Variants in CLEC18A observed in about 807,000 individuals in gnomAD.
The protein encoded by CLEC18A is C-type lectin domain family 18 member A, also known as mannose receptor-like 1.
Under a neutral mutation model 24.0 loss-of-function variants are expected in CLEC18A, and 5 were observed. The observed-to-expected ratio is 0.21, with a 90% CI of 0.11 to 0.44. CLEC18A has a LOEUF of 0.44. CLEC18A is among the 20% of genes least tolerant of loss of function. CLEC18A has a pLI of 0.99. For synonymous variants in CLEC18A, 29 were observed against 100.1 expected (o/e 0.29, Z 4.24); for missense variants, 83 against 233.4 (o/e 0.36, Z 4.20).
chr16:69,948,470 TCGAAC>T (rs2058915138), upstream of CLEC18A, among the ~76,000 whole-genome samples: 1 of 151,568 alleles, frequency 6.6e-6, no homozygotes, highest in African/African-American at 2.4e-5. Context: ...ATAAAATGAC[TCGAAC>T]GCTATAACCT....
At chr16:69,965,009 T>C (rs1959325817), downstream of CLEC18A, among the ~76,000 whole-genome samples, 1 of 151,694 alleles carries the variant, frequency 6.6e-6, no homozygotes, top group African/African-American at 2.4e-5. Flanking sequence ...ACCATGTTGC[T>C]CAGGCTGGTC....
downstream of CLEC18A, among the ~76,000 whole-genome samples, chr16:69,964,795 G>A (rs634671): frequency 6.6e-6 from 1 of 151,286 alleles, no homozygotes; most frequent in African/African-American, 2.4e-5. Flanking sequence ...GAGCCACCGC[G>A]CCCGGCCCTA....
intron 11 of CLEC18A, 89 bp from the exon 12 acceptor site, chr16:69,963,485 T>C (rs2059085746): frequency 6.3e-7 from 1 of 1,598,020 alleles, no homozygotes; most frequent in African/African-American, 1.3e-5. Context: ...ACCACGGCCA[T>C]GGGCACTTCC....
chr16:69,966,327 TA>T (rs372690852), downstream of CLEC18A, among the ~76,000 whole-genome samples: 130 of 141,734 alleles, frequency 9.2e-4, 3 homozygotes, highest in East Asian at 0.022. Context: ...AGGCGCTGGG[TA>T]AAATGAGGCT....
Position 69,954,388 on chromosome 16 carries a change from A to T in CLEC18A, c.271A>T (p.Thr91Ser). ...TCAAGCCAGGGCAGCCCTCTGTGGAACCCCAACCCCGAGCCTGGCGTCCGG... is the reference window on the plus strand; with the variant it reads ...TCAAGCCAGGGCAGCCCTCTGTGGATCCCCAACCCCGAGCCTGGCGTCCGG... ...LAQARAALCG[T>S]PTPSLASGLW... The change falls in exon 3 of 12, where the codon ACC becomes TCC. Residue 91 changes from threonine to serine, a missense_variant. By Grantham distance (58) the Thr-to-Ser change is moderately conservative. Transcript: ENST00000288040. 2.5e-6 allele frequency: 4 copies of T among 1,609,492 alleles called. 1 individual carries two copies. Among genetic ancestry groups the T allele is most frequent in the Non-Finnish European group, 3.4e-6 (4 of 1,178,452 alleles).
At chr16:69,965,148 G>A (rs1332958865), downstream of CLEC18A, among the ~76,000 whole-genome samples, 91 of 151,820 alleles carry the variant, frequency 6.0e-4, 2 homozygotes, top group Non-Finnish European at 8.1e-4. Flanking sequence ...CTGTCTAACC[G>A]GGCGCGGGCA....
downstream of CLEC18A, among the ~76,000 whole-genome samples, chr16:69,966,465 G>A (rs1959395585): frequency 7.1e-6 from 1 of 140,138 alleles, no homozygotes; most frequent in Non-Finnish European, 1.6e-5. Flanking sequence ...TGATGCGAAT[G>A]ACCTCTGGTC....
chr16:69,964,833 G>C (rs1170950034), downstream of CLEC18A, among the ~76,000 whole-genome samples: 8 of 151,972 alleles, frequency 5.3e-5, no homozygotes, highest in Admixed American at 4.6e-4. Flanking sequence ...ACAGAGTCTC[G>C]CTTTGTCGTA....
At chr16:69,965,090 C>T (rs1249508460), downstream of CLEC18A, among the ~76,000 whole-genome samples, 3 of 151,602 alleles carry the variant, frequency 2.0e-5, no homozygotes, top group Admixed American at 6.5e-5. Flanking sequence ...GCATGAGGCC[C>T]GGCGCCGGCC....
chr16:69,955,375 A>C (rs1474495063), intron 3 of CLEC18A, among the ~76,000 whole-genome samples: 1 of 149,006 alleles, frequency 6.7e-6, no homozygotes, highest in Non-Finnish European at 1.5e-5. Flanking sequence ...ATTTGAGACA[A>C]AGTCTTGTTC....
At chr16:69,950,980 A>G (rs1475945967), upstream of CLEC18A, 1 of 244,376 alleles carries the variant, frequency 4.1e-6, no homozygotes, top group Non-Finnish European at 8.5e-6. Context: ...TGTCCCAGCC[A>G]GGACACGGCC....
chr16:69,964,652 A>C (rs1329327790), downstream of CLEC18A, among the ~76,000 whole-genome samples: 5 of 150,850 alleles, frequency 3.3e-5, no homozygotes, highest in Non-Finnish European at 5.9e-5. Context: ...GACGCCCGCC[A>C]CCACGCCCGG....
rs1032350655 is a variant in CLEC18A, at chr16:69,954,519, C to G, written c.402C>G (p.Tyr134Ter). The G allele has an allele frequency of 1.2e-6, 2 of 1,612,826 alleles. No individual in the cohort carries two copies. The highest frequency in any genetic ancestry group is 1.3e-5 in the African/African-American group (1 of 75,024). The stretch of plus-strand genomic sequence containing the variant: ...TATGGTTTGCAGAGGGGCAGCGGTA[C>G]AGCCACGCGGCAGGAGAGTGTGCTC... Reference protein sequence around the residue: ...VSLWFAEGQRYSHAAGECARN... With the variant: ...VSLWFAEGQR The change falls in exon 3 of 12, where the codon TAC (tyrosine) becomes TAG (stop). Residue 134 changes from tyrosine (Y) to a stop codon, truncating the protein, a stop_gained. Transcript: ENST00000288040. LOFTEE classifies it high-confidence loss of function.
downstream of CLEC18A, among the ~76,000 whole-genome samples, chr16:69,965,618 G>A (rs1959365564): frequency 6.7e-6 from 1 of 149,102 alleles, no homozygotes; most frequent in Non-Finnish European, 1.5e-5. Flanking sequence ...TGGGGGCCGG[G>A]GGCAGACACT....
chr16:69,965,213 C>A (rs1333850817), downstream of CLEC18A, among the ~76,000 whole-genome samples: 1 of 151,860 alleles, frequency 6.6e-6, no homozygotes, highest in East Asian at 1.9e-4. Context: ...ACACAGATGC[C>A]CCCAGCTCTC....
chr16:69,954,266 G>T (rs2059000439), intron 2 of CLEC18A, 68 bp from the exon 3 acceptor site: 1 of 1,567,512 alleles, frequency 6.4e-7, no homozygotes, highest in Non-Finnish European at 8.7e-7. Context: ...TGGCAGGGGA[G>T]TTGAATCTTT....
intron 2 of CLEC18A, chr16:69,953,460 G>A (rs1297123069): frequency 6.6e-6 from 1 of 150,708 alleles, no homozygotes; most frequent in Non-Finnish European, 1.5e-5. Flanking sequence ...AGGGAGTCTC[G>A]GGAGATCAGG....
At chr16:69,962,934 G>A in intron 10 of CLEC18A, 42 bp from the exon 11 acceptor site, 1 of 1,392,824 alleles carries the variant, frequency 7.2e-7, no homozygotes, top group Non-Finnish European at 1.0e-6. Flanking sequence ...CCCGGTCCCT[G>A]ACTTCACTCT....
chr16:69,944,121 C>T, the CLEC18A span, among the ~76,000 whole-genome samples: 10 of 133,876 alleles, frequency 7.5e-5, 2 homozygotes, highest in East Asian at 1.2e-3. Flanking sequence ...CATGGTGAAA[C>T]GCCATCTCTA....
Sources: allele counts gnomAD v4.1 joint callset (sites outside exome capture counted in the v4.1 genomes callset), GRCh38; gene constraint gnomAD v4.1.1; transcripts MANE v1.5; gene names NCBI Gene and HGNC (gene_info 2026-07-23, HGNC 2026-07-21).